KCNN2: variants seen among roughly 807,000 people sequenced by gnomAD.
The protein encoded by KCNN2 is potassium calcium-activated channel subfamily N member 2, also known as small conductance calcium-activated potassium channel protein 2.
A neutral mutation model predicts 55.5 loss-of-function variants in KCNN2; 24 were observed. The ratio of observed to expected loss-of-function variants is 0.43; its 90% CI spans 0.31 to 0.61. The LOEUF is 0.61. Ranked by LOEUF, KCNN2 falls within the 20% of genes least tolerant of loss-of-function variation. The pLI is 0.08. For missense variants in KCNN2, 754 were observed against 853.6 expected (o/e 0.88, Z 1.45); for synonymous variants, 431 against 336.1 (o/e 1.28, Z -3.09).
intron 1 of KCNN2, among the ~76,000 whole-genome samples, chr5:114,120,715 T>C (rs1242946774): frequency 6.6e-6 from 1 of 152,222 alleles, no homozygotes; most frequent in Non-Finnish European, 1.5e-5. Context: ...AATACCTATC[T>C]AGGCTTTAGT....
intron 2 of KCNN2, among the ~76,000 whole-genome samples, chr5:114,240,637 C>A (rs1254659664): frequency 1.3e-5 from 2 of 151,958 alleles, no homozygotes; most frequent in African/African-American, 4.8e-5. Context: ...CGCCATGTTG[C>A]CCAGGCTGGT....
At chr5:114,290,990 G>A (rs868733441) in intron 2 of KCNN2, among the ~76,000 whole-genome samples, 7 of 151,876 alleles carry the variant, frequency 4.6e-5, no homozygotes, top group African/African-American at 1.2e-4. Context: ...CTTGTTTGGC[G>A]GCCTGACATA....
At chr5:114,266,024 C>T (rs1408860363) in intron 2 of KCNN2, among the ~76,000 whole-genome samples, 1 of 151,988 alleles carries the variant, frequency 6.6e-6, no homozygotes, top group African/African-American at 2.4e-5. Flanking sequence ...TGTTAGTAGC[C>T]ACATTTAAAA....
At chr5:114,129,782 T>C (rs1466512685) in intron 1 of KCNN2, among the ~76,000 whole-genome samples, 4 of 152,222 alleles carry the variant, frequency 2.6e-5, no homozygotes, top group Non-Finnish European at 5.9e-5. Flanking sequence ...ACCTGCATCA[T>C]AGACTGTTGG....
At chr5:114,417,102 G>A (rs1021165114) in intron 3 of KCNN2, among the ~76,000 whole-genome samples, 3 of 152,166 alleles carry the variant, frequency 2.0e-5, no homozygotes, top group African/African-American at 4.8e-5. Flanking sequence ...GGCATCTTAC[G>A]AAATGAAACA....
At chr5:114,243,524 T>G (rs1382634434) in intron 2 of KCNN2, among the ~76,000 whole-genome samples, 1 of 152,126 alleles carries the variant, frequency 6.6e-6, no homozygotes, top group Non-Finnish European at 1.5e-5. Context: ...CATTAATCAC[T>G]TAGTAGCTCA....
At chr5:114,434,096 C>G (rs888900531) in intron 3 of KCNN2, among the ~76,000 whole-genome samples, 1 of 151,772 alleles carries the variant, frequency 6.6e-6, no homozygotes, top group Non-Finnish European at 1.5e-5. Context: ...TTGTCTTCTG[C>G]CCTTCTTCTG....
chr5:114,263,501 C>G (rs1580671933), intron 2 of KCNN2, among the ~76,000 whole-genome samples: 1 of 150,328 alleles, frequency 6.7e-6, no homozygotes, highest in South Asian at 2.1e-4. Flanking sequence ...AGAGCTCTCT[C>G]TCCTTGCCAC....
intron 1 of KCNN2, among the ~76,000 whole-genome samples, chr5:114,084,987 A>G (rs569589620): frequency 2.2e-4 from 34 of 151,770 alleles, no homozygotes; most frequent in Admixed American, 3.9e-4. Context: ...CCTATTTCTG[A>G]ACTTTATATT....
intron 2 of KCNN2, among the ~76,000 whole-genome samples, chr5:114,259,966 A>G (rs1458588848): frequency 6.6e-6 from 1 of 152,208 alleles, no homozygotes; most frequent in Non-Finnish European, 1.5e-5. Flanking sequence ...ATGAAACTCA[A>G]GGTTTTAGAA....
intron 2 of KCNN2, among the ~76,000 whole-genome samples, chr5:114,232,607 C>T (rs1183499738): frequency 6.6e-6 from 1 of 150,502 alleles, no homozygotes; most frequent in Non-Finnish European, 1.5e-5. Context: ...TTTTCCAAAT[C>T]TTTCCTATTG....
chr5:114,157,623 C>T (rs1473410352), intron 1 of KCNN2, among the ~76,000 whole-genome samples: 4 of 152,156 alleles, frequency 2.6e-5, no homozygotes, highest in Non-Finnish European at 2.9e-5. Context: ...GTCCTACTAA[C>T]AGTATAAAAG....
At chr5:114,412,995 T>C (rs1180869450) in intron 3 of KCNN2, among the ~76,000 whole-genome samples, 2 of 152,232 alleles carry the variant, frequency 1.3e-5, no homozygotes, top group Admixed American at 6.5e-5. Flanking sequence ...TGTAATACTT[T>C]GTAAACTTGT....
At chr5:114,342,348 G>C (rs1046782605) in intron 2 of KCNN2, among the ~76,000 whole-genome samples, 4 of 152,120 alleles carry the variant, frequency 2.6e-5, no homozygotes, top group Non-Finnish European at 5.9e-5. Flanking sequence ...TATTCCCTGA[G>C]AGCTTACATT....
chr5:114,315,511 A>G (rs1756485875), intron 2 of KCNN2, among the ~76,000 whole-genome samples: 1 of 150,746 alleles, frequency 6.6e-6, no homozygotes, highest in African/African-American at 2.4e-5. Context: ...TATTCTTATT[A>G]TTTGTGATTC....
intron 2 of KCNN2, among the ~76,000 whole-genome samples, chr5:114,248,786 T>C (rs1413869429): frequency 6.6e-6 from 1 of 152,210 alleles, no homozygotes; most frequent in Non-Finnish European, 1.5e-5. Flanking sequence ...TCCATTATAC[T>C]GAGCATAATA....
At chr5:114,305,385 A>G (rs902965447) in intron 2 of KCNN2, among the ~76,000 whole-genome samples, 1 of 152,194 alleles carries the variant, frequency 6.6e-6, no homozygotes, top group Non-Finnish European at 1.5e-5. Flanking sequence ...TGTTAGGCTC[A>G]GGAGCCTGCT....
chr5:114,446,792 C>T (rs896295358), intron 3 of KCNN2, among the ~76,000 whole-genome samples: 4 of 152,102 alleles, frequency 2.6e-5, no homozygotes, highest in Non-Finnish European at 5.9e-5. Context: ...CTGCAATCTA[C>T]TTGGAAGGCT....
intron 1 of KCNN2, among the ~76,000 whole-genome samples, chr5:114,207,957 C>G (rs1486405450): frequency 2.0e-5 from 3 of 152,150 alleles, no homozygotes; most frequent in African/African-American, 7.2e-5. Flanking sequence ...TCAGAAGAGG[C>G]TGTTGTGGCA....
Sources: allele counts gnomAD v4.1 joint callset (sites outside exome capture counted in the v4.1 genomes callset), GRCh38; gene constraint gnomAD v4.1.1; transcripts MANE v1.5; gene names NCBI Gene and HGNC (gene_info 2026-07-23, HGNC 2026-07-21).